Variants in PTPRD observed in about 807,000 individuals in gnomAD.
The protein encoded by PTPRD is receptor-type tyrosine-protein phosphatase delta.
PTPRD carries 34 observed loss-of-function variants against 214.5 expected under a neutral mutation model. The ratio of observed to expected loss-of-function variants is 0.16; its 90% CI spans 0.12 to 0.21. The LOEUF is 0.21. Among genes scored for constraint, PTPRD ranks in the 10% least tolerant of loss-of-function variants. The pLI is 1.00. For synonymous variants in PTPRD, 1,128 were observed against 845.7 expected (o/e 1.33, Z -5.79); for missense variants, 2,545 against 2,398.7 (o/e 1.06, Z -1.27).
At chr9:8,413,486 C>A (rs1254345939) in intron 35 of PTPRD, among the ~76,000 whole-genome samples, 6 of 152,102 alleles carry the variant, frequency 3.9e-5, no homozygotes, top group Admixed American at 2.0e-4. Flanking sequence ...AACTCTTGTA[C>A]CCCATTTCAT....
intron 2 of PTPRD, among the ~76,000 whole-genome samples, chr9:10,559,685 C>A (rs1373729663): frequency 6.6e-6 from 1 of 152,036 alleles, no homozygotes; most frequent in Non-Finnish European, 1.5e-5. Context: ...TATCCAGAAT[C>A]TACAATGAAC....
chr9:10,409,383 A>C (rs2098410774), intron 2 of PTPRD, among the ~76,000 whole-genome samples: 1 of 151,676 alleles, frequency 6.6e-6, no homozygotes, highest in South Asian at 2.1e-4. Flanking sequence ...TCTCCAGTTA[A>C]TCCTTCATAT....
intron 14 of PTPRD, among the ~76,000 whole-genome samples, chr9:8,545,678 C>T (rs1396757457): frequency 4.6e-5 from 7 of 152,162 alleles, no homozygotes; most frequent in Admixed American, 4.6e-4. Flanking sequence ...GACATTACCT[C>T]ATTCAGTTTA....
rs184648016 is a variant in PTPRD, at chr9:9,114,832, T to C, written c.-143+68472A>G. ...GCATCTATGGGCCTTGGGCATTATCTAGAAGATACGTTATTCTAGGTGGAA... is the reference window on the plus strand; with the variant it reads ...GCATCTATGGGCCTTGGGCATTATCCAGAAGATACGTTATTCTAGGTGGAA... On this transcript the variant is annotated intron_variant, in intron 10 of 45. Transcript: ENST00000381196. Among the ~76,000 whole-genome samples the C allele has an allele frequency of 3.1e-3, 477 of 152,254 alleles. 4 individuals carry two copies. Among genetic ancestry groups the C allele is most frequent in the Non-Finnish European group, 5.4e-3 (364 of 68,020 alleles).
intron 10 of PTPRD, among the ~76,000 whole-genome samples, chr9:9,037,862 A>G (rs960755100): frequency 6.6e-6 from 1 of 152,160 alleles, no homozygotes; most frequent in African/African-American, 2.4e-5. Flanking sequence ...ACTGATTTTC[A>G]CTGTGCTGAC....
intron 8 of PTPRD, among the ~76,000 whole-genome samples, chr9:9,431,223 C>T (rs2082974081): frequency 7.5e-6 from 1 of 132,846 alleles, no homozygotes; most frequent in African/African-American, 2.8e-5. Context: ...ATCAAACAAC[C>T]CCGTCAAAAA....
intron 9 of PTPRD, among the ~76,000 whole-genome samples, chr9:9,237,604 G>T (rs765550925): frequency 5.5e-4 from 83 of 152,112 alleles, no homozygotes; most frequent in Non-Finnish European, 9.3e-4. Context: ...TTGCTGTTTT[G>T]TTGGTTGAAA....
At chr9:9,903,173 T>C (rs1258518189) in intron 5 of PTPRD, among the ~76,000 whole-genome samples, 1 of 152,158 alleles carries the variant, frequency 6.6e-6, no homozygotes, top group Non-Finnish European at 1.5e-5. Context: ...CCAATGATTA[T>C]ATATCTTGCA....
chr9:9,737,530 T>C (rs1036891517), intron 6 of PTPRD, among the ~76,000 whole-genome samples: 1 of 152,188 alleles, frequency 6.6e-6, no homozygotes, highest in African/African-American at 2.4e-5. Context: ...CTTCCCCTGA[T>C]AACTCCTAAT....
At chr9:9,224,463 T>A (rs959423313) in intron 9 of PTPRD, among the ~76,000 whole-genome samples, 1 of 151,982 alleles carries the variant, frequency 6.6e-6, no homozygotes. Context: ...GAAATTTAAG[T>A]ATGGCTTTCA....
intron 14 of PTPRD, among the ~76,000 whole-genome samples, chr9:8,632,081 T>C (rs904857500): frequency 1.3e-5 from 2 of 151,656 alleles, no homozygotes; most frequent in African/African-American, 4.8e-5. Context: ...AGGATATATA[T>C]GTAAATAATC....
intron 12 of PTPRD, among the ~76,000 whole-genome samples, chr9:8,661,268 CATCATGGTCAA>C (rs1383451517): frequency 5.3e-5 from 8 of 152,106 alleles, no homozygotes; most frequent in African/African-American, 1.9e-4. Context: ...ATCGCCTCTT[CATCATGGTCAA>C]TACACAGTTC....
At chr9:8,408,249 CT>C (rs2093201359) in intron 35 of PTPRD, among the ~76,000 whole-genome samples, 1 of 152,170 alleles carries the variant, frequency 6.6e-6, no homozygotes, top group African/African-American at 2.4e-5. Context: ...TAAAGCTAAG[CT>C]GAGGTTACCC....
At chr9:9,748,468 C>G (rs1462069526) in intron 6 of PTPRD, among the ~76,000 whole-genome samples, 2 of 152,172 alleles carry the variant, frequency 1.3e-5, no homozygotes, top group Non-Finnish European at 2.9e-5. Context: ...AAAGATCTGT[C>G]AATTGTGATT....
At chr9:8,476,113 G>A (rs1326338450) in intron 30 of PTPRD, among the ~76,000 whole-genome samples, 2 of 152,168 alleles carry the variant, frequency 1.3e-5, no homozygotes, top group Non-Finnish European at 2.9e-5. Context: ...TAGTCCAGTG[G>A]TTCCGAGCCT....
intron 3 of PTPRD, among the ~76,000 whole-genome samples, chr9:10,050,325 T>G (rs979629928): frequency 6.6e-6 from 1 of 151,256 alleles, no homozygotes; most frequent in Non-Finnish European, 1.5e-5. Flanking sequence ...TTTGGGAGGC[T>G]GAGGAGGGCT....
chr9:9,101,511 G>C (rs914586251), intron 10 of PTPRD, among the ~76,000 whole-genome samples: 4 of 152,182 alleles, frequency 2.6e-5, no homozygotes, highest in Non-Finnish European at 1.5e-5. Flanking sequence ...TAGCAGAGCA[G>C]AGTGTGATGA....
At chr9:10,503,203 A>AC (rs2044435110) in intron 2 of PTPRD, among the ~76,000 whole-genome samples, 1 of 133,872 alleles carries the variant, frequency 7.5e-6, no homozygotes, top group African/African-American at 3.3e-5. Flanking sequence ...CAAAAAAAAA[A>AC]AAAACAAAAA....
At chr9:9,833,117 T>A (rs1291191199) in intron 5 of PTPRD, among the ~76,000 whole-genome samples, 6 of 151,778 alleles carry the variant, frequency 4.0e-5, no homozygotes, top group Non-Finnish European at 4.4e-5. Flanking sequence ...GTAATAGCAA[T>A]ACAGATATAT....
Sources: gnomAD v4.1 joint callset for allele counts (sites outside exome capture counted in the v4.1 genomes callset) on GRCh38, gnomAD v4.1.1 for gene constraint, MANE v1.5 for transcripts, NCBI Gene and HGNC (gene_info 2026-07-23, HGNC 2026-07-21) for gene names.